The following UNC5C variants were observed in gnomAD, a reference collection of about 807,000 sequenced individuals.
UNC5C encodes the protein unc-5 netrin receptor C.
UNC5C carries 47 observed loss-of-function variants against 99.8 expected under a neutral mutation model. The ratio of observed to expected loss-of-function variants is 0.47; its 90% CI spans 0.37 to 0.60. The LOEUF (loss-of-function observed/expected upper bound fraction) is 0.60. Ranked by LOEUF, UNC5C falls within the 20% of genes least tolerant of loss-of-function variation. The pLI is 0.00. For synonymous variants in UNC5C, 487 were observed against 452.2 expected (o/e 1.08, Z -0.98); for missense variants, 1,062 against 1,165.9 (o/e 0.91, Z 1.30).
chr4:95,477,882 T>A (rs1720990431), intron 1 of UNC5C, among the ~76,000 whole-genome samples: 3 of 151,954 alleles, frequency 2.0e-5, no homozygotes, highest in South Asian at 2.1e-4. Context: ...TGGAATTTCA[T>A]CTCTAGTGTC....
At chr4:95,233,871 G>A (rs1739001419) in intron 7 of UNC5C, among the ~76,000 whole-genome samples, 1 of 152,108 alleles carries the variant, frequency 6.6e-6, no homozygotes, top group African/African-American at 2.4e-5. Flanking sequence ...GGAGGCAGAA[G>A]GTTGCAGTGA....
intron 1 of UNC5C, among the ~76,000 whole-genome samples, chr4:95,451,214 A>G (rs2149467486): frequency 6.6e-6 from 1 of 152,308 alleles, no homozygotes; most frequent in Admixed American, 6.5e-5. Flanking sequence ...CATCTAAATA[A>G]ACTGATCTAC....
intron 7 of UNC5C, among the ~76,000 whole-genome samples, chr4:95,236,810 A>C (rs1263314043): frequency 6.6e-6 from 1 of 152,158 alleles, no homozygotes. Context: ...GTTCCATTTA[A>C]TGGAAGTACT....
chr4:95,302,915 A>G (rs1741928430), intron 2 of UNC5C, among the ~76,000 whole-genome samples: 1 of 152,174 alleles, frequency 6.6e-6, no homozygotes, highest in African/African-American at 2.4e-5. Context: ...TTTAGGTTCA[A>G]TTGCATTCAA....
intron 2 of UNC5C, among the ~76,000 whole-genome samples, chr4:95,334,393 A>G (rs1743250762): frequency 3.3e-5 from 5 of 151,952 alleles, no homozygotes; most frequent in Middle Eastern, 3.2e-3. Flanking sequence ...AGATATTTAA[A>G]TGCTTCAATT....
chr4:95,293,319 T>C (rs1198444946), intron 3 of UNC5C, among the ~76,000 whole-genome samples: 1 of 138,860 alleles, frequency 7.2e-6, no homozygotes, highest in Admixed American at 7.1e-5. Context: ...TTTTTTTTTT[T>C]TTTGAGACAG....
chr4:95,179,167 TCCAC>T, intron 14 of UNC5C, among the ~76,000 whole-genome samples: 1 of 152,328 alleles, frequency 6.6e-6, no homozygotes, highest in South Asian at 2.1e-4. Flanking sequence ...TATTCAGGAC[TCCAC>T]AGTCCTGAAA....
chr4:95,540,690 A>G (rs10008641), intron 1 of UNC5C, among the ~76,000 whole-genome samples: 80,151 of 152,006 alleles, frequency 0.53, 22,273 homozygotes, highest in Middle Eastern at 0.69. Flanking sequence ...ACTTTATTCA[A>G]TGAGATAAAA....
At chr4:95,219,348 TC>T in intron 8 of UNC5C, 35 bp from the exon 9 acceptor site, 1 of 1,586,218 alleles carries the variant, frequency 6.3e-7, no homozygotes, top group South Asian at 1.2e-5. Flanking sequence ...CCATTGGCAT[TC>T]TCCATTCAGG....
intron 1 of UNC5C, among the ~76,000 whole-genome samples, chr4:95,517,596 A>T (rs1174315076): frequency 2.0e-5 from 3 of 152,216 alleles, no homozygotes; most frequent in Admixed American, 6.5e-5. Flanking sequence ...TACTGCAAAG[A>T]TATACTCTTC....
chr4:95,338,390 C>T (rs1306805282), intron 1 of UNC5C, among the ~76,000 whole-genome samples: 1 of 151,966 alleles, frequency 6.6e-6, no homozygotes, highest in Non-Finnish European at 1.5e-5. Context: ...TTCTCTTCAA[C>T]TGAAATAATA....
chr4:95,225,029 T>C lies in UNC5C; in HGVS notation c.1109-4853A>G, dbSNP rs113676085. 9.2e-3 allele frequency among the ~76,000 whole-genome samples: 1,401 copies of C among 151,660 alleles called. 26 individuals are homozygous for C. Among genetic ancestry groups the C allele is most frequent in the African/African-American group, 0.032 (1,325 of 41,350 alleles). On this transcript the variant is annotated intron_variant, in intron 7 of 15. Coordinates refer to ENST00000453304, the MANE Select transcript of UNC5C (RefSeq NM_003728.4). The stretch of plus-strand genomic sequence containing the variant: ...CAAGCAAGAAAGGAAAGGGAGGAGG[T>C]GGGGTCAGAGGACAGGCAGCACCAG...
intron 4 of UNC5C, among the ~76,000 whole-genome samples, chr4:95,275,072 A>G (rs1437647855): frequency 7.4e-6 from 1 of 134,596 alleles, no homozygotes; most frequent in Non-Finnish European, 1.6e-5. Flanking sequence ...GCAGCAGTAC[A>G]CCATGACTTG....
intron 1 of UNC5C, among the ~76,000 whole-genome samples, chr4:95,423,031 G>A (rs1746364988): frequency 1.3e-5 from 2 of 152,134 alleles, no homozygotes; most frequent in South Asian, 4.1e-4. Flanking sequence ...TATACATAAA[G>A]TGGTGATGGT....
chr4:95,173,226 C>T (rs1293117028), intron 14 of UNC5C, among the ~76,000 whole-genome samples: 3 of 142,246 alleles, frequency 2.1e-5, no homozygotes, highest in Non-Finnish European at 3.1e-5. Context: ...ACTGAATACC[C>T]TTTATTTCCT....
intron 1 of UNC5C, among the ~76,000 whole-genome samples, chr4:95,388,477 A>C (rs1392824191): frequency 6.6e-6 from 1 of 152,200 alleles, no homozygotes; most frequent in African/African-American, 2.4e-5. Flanking sequence ...AAACAACAAC[A>C]AATAAACAAA....
chr4:95,354,134 G>A (rs1053192304), intron 1 of UNC5C, among the ~76,000 whole-genome samples: 7 of 151,840 alleles, frequency 4.6e-5, no homozygotes, highest in East Asian at 1.9e-4. Context: ...TTTCTGTTTC[G>A]GATTCCACTA....
rs184990353 is a variant in UNC5C, at chr4:95,351,979, G to A, written c.125-16348C>T. On this transcript the variant is annotated intron_variant, in intron 1 of 15. Transcript: ENST00000453304. ...CTATTGCTTCCTGTCCTATGTCTTC[G>A]ACCTTTCCCTTTCTTCCTTGCTGCC... is the stretch of plus-strand genomic sequence containing the variant. Among the ~76,000 whole-genome samples the A allele has an allele frequency of 4.6e-5, 7 of 151,978 alleles. No individual in the cohort carries two copies. In the East Asian group the frequency reaches 5.8e-4, roughly 13 times the overall value.
intron 1 of UNC5C, among the ~76,000 whole-genome samples, chr4:95,534,285 T>C (rs1722722283): frequency 6.6e-6 from 1 of 152,230 alleles, no homozygotes; most frequent in South Asian, 2.1e-4. Flanking sequence ...AATGCGTCTA[T>C]TACATTATGT....
Sources: gnomAD v4.1 joint callset for allele counts (sites outside exome capture counted in the v4.1 genomes callset) on GRCh38, gnomAD v4.1.1 for gene constraint, MANE v1.5 for transcripts, NCBI Gene and HGNC (gene_info 2026-07-23, HGNC 2026-07-21) for gene names.